The following CCPG1 variants were observed in gnomAD, a reference collection of about 807,000 sequenced individuals.
The protein encoded by CCPG1 is cell cycle progression protein 1.
Under a neutral mutation model 81.3 loss-of-function variants are expected in CCPG1, and 46 were observed. That is an observed-to-expected ratio of 0.57 (90% CI 0.45 to 0.72). CCPG1 has a LOEUF of 0.72. Among genes scored for constraint, CCPG1 ranks in the 30% least tolerant of loss-of-function variants. The probability of loss-of-function intolerance (pLI) is 0.00; values close to 1 mark genes in which losing one functional copy is unlikely to be tolerated. For synonymous variants in CCPG1, 330 were observed against 305.2 expected (o/e 1.08, Z -0.85); for missense variants, 902 against 937.6 (o/e 0.96, Z 0.50).
Position 55,390,283 on chromosome 15 carries a change from CA to C in CCPG1, c.-9-851del, listed in dbSNP as rs891401883. Reference sequence around the variant, plus strand: ...TACTTCAGTTGTGTTAAAGTTGGGGCAGGGGGGAAGACACCAGAGGTTGGTT... The same window carrying C: ...TACTTCAGTTGTGTTAAAGTTGGGGCGGGGGGAAGACACCAGAGGTTGGTT... On this transcript the variant is annotated intron_variant, in intron 1 of 8. Coordinates refer to ENST00000442196, the MANE Select transcript of CCPG1 (RefSeq NM_001204450.2). Among the ~76,000 whole-genome samples the C allele has an allele frequency of 4.6e-5, 7 of 152,238 alleles. 1 individual carries two copies. Among genetic ancestry groups the C allele is most frequent in the South Asian group, 4.1e-4 (2 of 4,828 alleles).
intron 1 of CCPG1, among the ~76,000 whole-genome samples, chr15:55,394,616 CTT>C (rs2056981775): frequency 6.6e-6 from 1 of 152,064 alleles, no homozygotes; most frequent in Non-Finnish European, 1.5e-5. Context: ...CAGTTTAATG[CTT>C]TGTTTACTTC....
rs957780337 is a variant in CCPG1, at chr15:55,359,920, C to A, written c.1853G>T (p.Cys618Phe). ...TCTGAAAGAATGAGAATTTTCTCTA[C>A]AATCATGCCCAGGACTGCATTTCTT... ...NSKKCSPGHD[C>F]RENSHSFRKA... Residue 618 changes from cysteine to phenylalanine, a missense_variant, in exon 8 of 9, where the codon TGT becomes TTT. This residue lies in a region of CCPG1 where 746 missense variants were observed against 728.6 expected (regional missense o/e 1.02). Transcript: ENST00000442196. 6.2e-7 allele frequency: 1 copy of A among 1,613,694 alleles called. No homozygotes were observed. Among genetic ancestry groups the A allele is most frequent in the African/African-American group, 1.3e-5 (1 of 75,020 alleles).
At position 55,359,977 on chromosome 15, in the gene CCPG1, T is replaced by C. The variant is rs1318310590; in HGVS notation, c.1796A>G (p.His599Arg). 6.2e-7 allele frequency: 1 copy of C among 1,612,928 alleles called. No individual in the cohort carries two copies. Among genetic ancestry groups the C allele is most frequent in the South Asian group, 1.1e-5 (1 of 90,836 alleles). The change falls in exon 8 of 9, where the codon CAC becomes CGC. Residue 599 changes from histidine (H) to arginine (R), a missense_variant. Coordinates refer to ENST00000442196, the MANE Select transcript of CCPG1 (RefSeq NM_001204450.2). Reference sequence around the variant, plus strand: ...TGTATTTTTTCTGAATTCTTTAAAGTGAACTGGCTTTTCTTTCCTTCCATC... The same window carrying C: ...TGTATTTTTTCTGAATTCTTTAAAGCGAACTGGCTTTTCTTTCCTTCCATC... ...QNDGRKEKPV[H>R]FKEFRKNTNS...
chr15:55,390,446 T>C (rs1368617171), intron 1 of CCPG1, among the ~76,000 whole-genome samples: 3 of 122,796 alleles, frequency 2.4e-5, no homozygotes, highest in Admixed American at 1.0e-4. Flanking sequence ...CAAATAGTAC[T>C]CCTACTGATT....
intron 6 of CCPG1, among the ~76,000 whole-genome samples, chr15:55,366,028 G>A (rs1245093387): frequency 6.6e-6 from 1 of 152,118 alleles, no homozygotes; most frequent in African/African-American, 2.4e-5. Context: ...ATATAAGTAA[G>A]GCCAAGTAGG....
chr15:55,374,292 T>C (rs1018868418), intron 5 of CCPG1: 1 of 1,008,792 alleles, frequency 9.9e-7, no homozygotes, highest in Non-Finnish European at 1.3e-6. Context: ...TAAAGCTATA[T>C]TATAAAGACT....
intron 5 of CCPG1, among the ~76,000 whole-genome samples, chr15:55,375,887 G>A (rs192928036): frequency 3.2e-4 from 49 of 152,008 alleles, no homozygotes; most frequent in Admixed American, 1.8e-3. Context: ...ATGAGGTCTC[G>A]CTATGTTGCC....
intron 8 of CCPG1, chr15:55,357,099 C>CAA: frequency 2.0e-6 from 2 of 985,282 alleles, no homozygotes; most frequent in Non-Finnish European, 2.4e-6. Flanking sequence ...ACAGTCTCGG[C>CAA]AAAAGAGATG....
chr15:55,375,456 T>A (rs2056545517), intron 5 of CCPG1, among the ~76,000 whole-genome samples: 1 of 152,014 alleles, frequency 6.6e-6, no homozygotes, highest in East Asian at 1.9e-4. Flanking sequence ...AAAATAATAA[T>A]AAAATTTGAT....
chr15:55,375,580 A>G (rs913827738), intron 5 of CCPG1, among the ~76,000 whole-genome samples: 1 of 152,216 alleles, frequency 6.6e-6, no homozygotes, highest in Admixed American at 6.5e-5. Context: ...TGTCACATGA[A>G]TATTCAAATA....
chr15:55,379,761 T>C (rs570757777), intron 3 of CCPG1, among the ~76,000 whole-genome samples: 4 of 151,676 alleles, frequency 2.6e-5, no homozygotes, highest in African/African-American at 9.7e-5. Flanking sequence ...TCAAAGAAAA[T>C]GTGTACAAAC....
At chr15:55,384,587 A>G (rs1310929043) in intron 3 of CCPG1, among the ~76,000 whole-genome samples, 2 of 152,220 alleles carry the variant, frequency 1.3e-5, no homozygotes, top group Non-Finnish European at 2.9e-5. Flanking sequence ...CCCAAGAGGC[A>G]GAGGCTGCAG....
chr15:55,397,043 A>C (rs1463866126), intron 1 of CCPG1, among the ~76,000 whole-genome samples: 1 of 152,050 alleles, frequency 6.6e-6, no homozygotes, highest in African/African-American at 2.4e-5. Flanking sequence ...CTACAAAAAA[A>C]CACAAAAAAT....
chr15:55,371,784 A>G lies in CCPG1; in HGVS notation c.706+9T>C. 2 of 1,611,430 alleles carry G rather than the reference A, an allele frequency of 1.2e-6. No individual in the cohort carries two copies. Among genetic ancestry groups the G allele is most frequent in the Non-Finnish European group, 1.7e-6 (2 of 1,177,892 alleles). Reference sequence around the variant, plus strand: ...TCAGGTTATGTATAACACATTTTTGAGTACTTACCATAGAAATGGCCAAAT... The same window carrying G: ...TCAGGTTATGTATAACACATTTTTGGGTACTTACCATAGAAATGGCCAAAT... On this transcript the variant is annotated intron_variant, in intron 6 of 8. Coordinates refer to ENST00000442196, the MANE Select transcript of CCPG1 (RefSeq NM_001204450.2).
At chr15:55,384,658 C>A (rs2141300722) in intron 3 of CCPG1, among the ~76,000 whole-genome samples, 1 of 151,852 alleles carries the variant, frequency 6.6e-6, no homozygotes, top group South Asian at 2.1e-4. Context: ...TCCGCCAATT[C>A]AATTCAATAA....
intron 5 of CCPG1, 137 bp from the exon 6 acceptor site, chr15:55,372,181 T>A: frequency 2.6e-6 from 2 of 776,552 alleles, no homozygotes; most frequent in Non-Finnish European, 4.0e-6. Flanking sequence ...CCAAACAACA[T>A]AAACAAAAAC....
At chr15:55,404,891 G>A (rs1161814946) in intron 1 of CCPG1, among the ~76,000 whole-genome samples, 4 of 152,186 alleles carry the variant, frequency 2.6e-5, no homozygotes, top group South Asian at 2.1e-4. Context: ...CCATTATGGT[G>A]AAACCCCATC....
chr15:55,376,848 CAT>C, intron 5 of CCPG1, 99 bp downstream of exon 5: 1 of 824,872 alleles, frequency 1.2e-6, no homozygotes, highest in East Asian at 2.5e-5. Context: ...TTTACCCAAA[CAT>C]ATTCAAAACT....
intron 1 of CCPG1, among the ~76,000 whole-genome samples, chr15:55,405,096 C>G (rs1215110837): frequency 6.6e-6 from 1 of 152,086 alleles, no homozygotes; most frequent in Non-Finnish European, 1.5e-5. Flanking sequence ...GGCAGTGGGT[C>G]ACGTCTGTAA....
Sources: allele counts gnomAD v4.1 joint callset (sites outside exome capture counted in the v4.1 genomes callset), GRCh38; gene constraint gnomAD v4.1.1; regional missense constraint gnomAD v4.1.1; transcripts MANE v1.5; gene names NCBI Gene and HGNC (gene_info 2026-07-23, HGNC 2026-07-21).